The following PRKN variants were observed in gnomAD, a reference collection of about 807,000 sequenced individuals.
PRKN encodes parkin RBR E3 ubiquitin protein ligase.
PRKN carries 56 observed loss-of-function variants against 59.5 expected under a neutral mutation model. The observed-to-expected ratio is 0.94, with a 90% confidence interval of 0.76 to 1.18. The LOEUF (loss-of-function observed/expected upper bound fraction) is 1.18. PRKN is among the 50% of genes most tolerant of loss of function. The probability of loss-of-function intolerance (pLI) is 0.00; values close to 1 mark genes in which losing one functional copy is unlikely to be tolerated. For missense variants in PRKN, 657 were observed against 596.4 expected, an observed-to-expected ratio of 1.10 and a Z score of -1.06; for synonymous variants, 250 against 222.1, an observed-to-expected ratio of 1.13 and a Z score of -1.12.
Position 161,444,702 on chromosome 6 carries a change from T to G in PRKN, c.1084-57825A>C, listed in dbSNP as rs751036310. ...GTAACAGCGAGCTTTGCACGAGCGC[T>G]ACCGCGTGGCGGTGGAAACATTTGT... is the stretch of plus-strand genomic sequence containing the variant. On this transcript the variant is annotated intron_variant, in intron 9 of 11. Transcript: ENST00000366898. The surrounding 1 kb of genome is among the most constrained non-coding windows in gnomAD (Gnocchi z 5.6). Among the ~76,000 whole-genome samples the G allele has an allele frequency of 2.6e-5, 4 of 152,242 alleles. No homozygotes were observed. The highest frequency in any genetic ancestry group is 4.4e-5 in the Non-Finnish European group (3 of 68,046).
chr6:162,386,754 T>C (rs543722503), intron 2 of PRKN, among the ~76,000 whole-genome samples: 4 of 152,334 alleles, frequency 2.6e-5, no homozygotes, highest in South Asian at 2.1e-4. Context: ...TGAACACAGA[T>C]GGAGAAAGAA....
chr6:162,393,418 C>T (rs1787315136), intron 2 of PRKN, among the ~76,000 whole-genome samples: 1 of 151,958 alleles, frequency 6.6e-6, no homozygotes, highest in Non-Finnish European at 1.5e-5. Flanking sequence ...TCTTGGCCTC[C>T]CAAAGTGCTG....
At chr6:162,372,872 G>A (rs1785849428) in intron 2 of PRKN, among the ~76,000 whole-genome samples, 1 of 152,132 alleles carries the variant, frequency 6.6e-6, no homozygotes, top group Admixed American at 6.5e-5. Flanking sequence ...AGAGAGGCAA[G>A]AAATTTCAGT....
At chr6:162,017,288 T>A (rs1445609582) in intron 5 of PRKN, among the ~76,000 whole-genome samples, 1 of 152,144 alleles carries the variant, frequency 6.6e-6, no homozygotes. Flanking sequence ...TTATGTAGCA[T>A]TAAATGTTTG....
chr6:161,697,410 A>G (rs1786067425), intron 7 of PRKN, among the ~76,000 whole-genome samples: 1 of 152,208 alleles, frequency 6.6e-6, no homozygotes, highest in Non-Finnish European at 1.5e-5. Flanking sequence ...ACTGTGCTCT[A>G]GCAGGCTGTT....
Position 161,680,762 on chromosome 6 carries a change from TA to T in PRKN, c.871+105009del, listed in dbSNP as rs1562603950. ...ATATATATATATATATATATATATA[TA>T]TATATATATATATTTTTTTTTTTTT... On this transcript the variant is annotated intron_variant, in intron 7 of 11. Coordinates refer to ENST00000366898, the MANE Select transcript of PRKN (RefSeq NM_004562.3). 3.8e-3 allele frequency among the ~76,000 whole-genome samples: 69 copies of T among 18,228 alleles called. 2 individuals carry two copies. The highest frequency in any genetic ancestry group is 0.01 in the South Asian group (4 of 382). The allele number at this position is 18,228 out of a possible 152,430, so 12.0% of individuals were successfully genotyped here.
intron 1 of PRKN, among the ~76,000 whole-genome samples, chr6:162,464,716 C>T (rs2128175549): frequency 6.6e-6 from 1 of 150,582 alleles, no homozygotes; most frequent in South Asian, 2.1e-4. Context: ...GTAGTCCCAG[C>T]TATTCAGGAG....
intron 6 of PRKN, among the ~76,000 whole-genome samples, chr6:161,831,973 C>T (rs755756445): frequency 9.2e-5 from 14 of 152,208 alleles, no homozygotes; most frequent in African/African-American, 2.4e-4. Context: ...AAGGCCCCCA[C>T]GCTCCAGGAT....
intron 2 of PRKN, among the ~76,000 whole-genome samples, chr6:162,309,268 G>A (rs1009129187): frequency 6.6e-6 from 1 of 152,120 alleles, no homozygotes; most frequent in Non-Finnish European, 1.5e-5. Context: ...AGGTTCAAGC[G>A]ATTCTCCTGC....
rs146943896 is a variant in PRKN at position 161,940,759 on chromosome 6, G to A, written c.734+32543C>T. Among the ~76,000 whole-genome samples, 5 of 152,318 alleles carry A rather than the reference G, an allele frequency of 3.3e-5. No individual in the cohort carries two copies. The East Asian group carries it at 7.7e-4, about 24-fold the overall frequency. ...AAATCAGAATGTCTATGTGGCATGT[G>A]GCAAGGGAAGAAGGTACATTCAGGC... On this transcript the variant is annotated intron_variant, in intron 6 of 11. Transcript: ENST00000366898.
intron 2 of PRKN, among the ~76,000 whole-genome samples, chr6:162,357,659 C>G (rs1784932223): frequency 6.6e-6 from 1 of 152,182 alleles, no homozygotes; most frequent in Non-Finnish European, 1.5e-5. Context: ...TACCTGGAAA[C>G]AAGATGTCCA....
chr6:162,049,769 A>G (rs143042846), intron 5 of PRKN, among the ~76,000 whole-genome samples: 1 of 152,260 alleles, frequency 6.6e-6, no homozygotes, highest in African/African-American at 2.4e-5. Flanking sequence ...TGCTATTGAT[A>G]GTTAAATTTC....
intron 6 of PRKN, among the ~76,000 whole-genome samples, chr6:161,839,994 C>T (rs939867588): frequency 6.6e-6 from 1 of 152,242 alleles, no homozygotes; most frequent in Non-Finnish European, 1.5e-5. Flanking sequence ...AAGAGGCACT[C>T]GCCCATCTCA....
intron 6 of PRKN, among the ~76,000 whole-genome samples, chr6:161,896,918 C>T (rs998560925): frequency 6.6e-6 from 1 of 152,164 alleles, no homozygotes; most frequent in Non-Finnish European, 1.5e-5. Context: ...TGTAGAAAGG[C>T]GTGTTCAGCA....
At chr6:161,876,105 T>A (rs1320900024) in intron 6 of PRKN, among the ~76,000 whole-genome samples, 1 of 152,146 alleles carries the variant, frequency 6.6e-6, no homozygotes, top group Admixed American at 6.5e-5. Flanking sequence ...AAGACACATA[T>A]CTTATGTCAT....
At chr6:162,281,778 A>G (rs1238493001) in intron 2 of PRKN, among the ~76,000 whole-genome samples, 1 of 152,218 alleles carries the variant, frequency 6.6e-6, no homozygotes, top group Non-Finnish European at 1.5e-5. Context: ...CTGACTTTGT[A>G]GAATCCTAAA....
chr6:161,504,836 C>T (rs1778098859), intron 9 of PRKN, among the ~76,000 whole-genome samples: 1 of 151,118 alleles, frequency 6.6e-6, no homozygotes, highest in Non-Finnish European at 1.5e-5. Context: ...CATCCATGTC[C>T]CTACAAAGGA....
At chr6:162,080,276 G>A (rs990827031) in intron 4 of PRKN, among the ~76,000 whole-genome samples, 1 of 152,056 alleles carries the variant, frequency 6.6e-6, no homozygotes, top group Non-Finnish European at 1.5e-5. Flanking sequence ...ACAATGCTCA[G>A]GTTTGTCTAG....
intron 4 of PRKN, among the ~76,000 whole-genome samples, chr6:162,066,970 G>A (rs1778365558): frequency 6.6e-6 from 1 of 152,106 alleles, no homozygotes; most frequent in Non-Finnish European, 1.5e-5. Context: ...CTACCTCCCA[G>A]CTTCCCTTGC....
Sources: allele counts gnomAD v4.1 joint callset (sites outside exome capture counted in the v4.1 genomes callset), GRCh38; gene constraint gnomAD v4.1.1; non-coding constraint Gnocchi (gnomAD v3.1); transcripts MANE v1.5; gene names NCBI Gene and HGNC (gene_info 2026-07-23, HGNC 2026-07-21).